The following ZZZ3 variants were observed in gnomAD, a reference collection of about 807,000 sequenced individuals.
ZZZ3 encodes the protein zinc finger ZZ-type containing 3, also known as ZZ-type zinc finger-containing protein 3.
ZZZ3 carries 22 observed loss-of-function variants against 95.2 expected under a neutral mutation model. The ratio of observed to expected loss-of-function variants is 0.23; its 90% CI spans 0.17 to 0.33. The LOEUF (loss-of-function observed/expected upper bound fraction) is 0.33. Ranked by LOEUF, ZZZ3 falls within the 10% of genes least tolerant of loss-of-function variation. The pLI is 1.00. For missense variants in ZZZ3, 885 were observed against 1,066.5 expected (o/e 0.83, Z 2.37); for synonymous variants, 335 against 358.9 (o/e 0.93, Z 0.75).
chr1:77,585,288 T>C (rs1335894372), intron 5 of ZZZ3, among the ~76,000 whole-genome samples: 1 of 152,216 alleles, frequency 6.6e-6, no homozygotes, highest in Non-Finnish European at 1.5e-5. Context: ...ATATTTATAC[T>C]TTCCTGCTTG....
At chr1:77,614,322 C>T (rs958812231) in intron 5 of ZZZ3, among the ~76,000 whole-genome samples, 1 of 152,080 alleles carries the variant, frequency 6.6e-6, no homozygotes, top group Non-Finnish European at 1.5e-5. Flanking sequence ...GAAGTTACCA[C>T]CTCAAGGATA....
chr1:77,676,545 G>A (rs1672286754), intron 1 of ZZZ3, among the ~76,000 whole-genome samples: 1 of 152,020 alleles, frequency 6.6e-6, no homozygotes, highest in Non-Finnish European at 1.5e-5. Context: ...CAAATTATGT[G>A]GTATGGAAAA....
intron 1 of ZZZ3, among the ~76,000 whole-genome samples, chr1:77,665,255 T>C (rs968960134): frequency 6.6e-6 from 1 of 152,196 alleles, no homozygotes; most frequent in Admixed American, 6.5e-5. Context: ...TTACTGACAG[T>C]TCATTATGTC....
intron 5 of ZZZ3, among the ~76,000 whole-genome samples, chr1:77,587,387 C>T (rs1663199818): frequency 2.0e-5 from 3 of 151,716 alleles, no homozygotes; most frequent in South Asian, 4.2e-4. Context: ...GCCTCAGCCT[C>T]CTGAGTAGGT....
chr1:77,678,229 A>T lies in ZZZ3; in HGVS notation c.-403+4356T>A, dbSNP rs373204618. ...TTAGGCAATTGGTTGTTCATTACTG[A>T]TATCAAATATTAAATGTAATAGAGC... On this transcript the variant is annotated intron_variant, in intron 1 of 14. Transcript: ENST00000370801. Among the ~76,000 whole-genome samples, 6 of 152,316 alleles carry T rather than the reference A, an allele frequency of 3.9e-5. No individual in the cohort carries two copies. The East Asian group carries it at 5.8e-4, about 15-fold the overall frequency.
At chr1:77,651,682 G>T (rs554570290) in intron 1 of ZZZ3, among the ~76,000 whole-genome samples, 6 of 152,154 alleles carry the variant, frequency 3.9e-5, no homozygotes. Context: ...TACACACAAT[G>T]TGAGACTATA....
chr1:77,663,752 A>G (rs1557775010), intron 1 of ZZZ3, among the ~76,000 whole-genome samples: 1 of 142,674 alleles, frequency 7.0e-6, no homozygotes, highest in East Asian at 2.0e-4. Context: ...AGTAAACCCT[A>G]TTTTTTTTTT....
intron 9 of ZZZ3, chr1:77,580,792 C>A: frequency 2.2e-6 from 1 of 464,334 alleles, no homozygotes; most frequent in Non-Finnish European, 3.9e-6. Context: ...CCATCACACC[C>A]GGCTAATTTT....
At chr1:77,633,639 T>G (rs908885554) in intron 4 of ZZZ3, among the ~76,000 whole-genome samples, 2 of 152,190 alleles carry the variant, frequency 1.3e-5, no homozygotes, top group African/African-American at 4.8e-5. Flanking sequence ...TCTTTCTATA[T>G]GCCTTACATA....
chr1:77,589,742 G>C (rs1269851761), intron 5 of ZZZ3, among the ~76,000 whole-genome samples: 1 of 152,060 alleles, frequency 6.6e-6, no homozygotes, highest in Non-Finnish European at 1.5e-5. Context: ...TTATAGGCAT[G>C]AACCACTGTG....
intron 5 of ZZZ3, among the ~76,000 whole-genome samples, chr1:77,618,102 G>A (rs1414977235): frequency 1.3e-5 from 2 of 151,978 alleles, no homozygotes; most frequent in Non-Finnish European, 2.9e-5. Flanking sequence ...ATAAACAATT[G>A]ACCAAGAGTA....
At chr1:77,626,407 A>C (rs1203478608) in intron 5 of ZZZ3, among the ~76,000 whole-genome samples, 1 of 152,208 alleles carries the variant, frequency 6.6e-6, no homozygotes, top group African/African-American at 2.4e-5. Context: ...GGGAGCCCTA[A>C]GCTTGTTTTC....
chr1:77,650,825 A>G (rs1669738728), intron 1 of ZZZ3, among the ~76,000 whole-genome samples: 1 of 152,228 alleles, frequency 6.6e-6, no homozygotes, highest in East Asian at 1.9e-4. Flanking sequence ...ATCTTTAGAC[A>G]GACTCATCAG....
chr1:77,583,331 G>T (rs1420409029), intron 6 of ZZZ3, among the ~76,000 whole-genome samples: 1 of 151,930 alleles, frequency 6.6e-6, no homozygotes, highest in African/African-American at 2.4e-5. Context: ...ATCTGTTTTA[G>T]TTGAATCCAT....
intron 1 of ZZZ3, among the ~76,000 whole-genome samples, chr1:77,652,438 C>T (rs986785943): frequency 1.3e-5 from 2 of 152,090 alleles, no homozygotes; most frequent in African/African-American, 4.8e-5. Context: ...AAAAAGACAA[C>T]AAAAACATGT....
chr1:77,668,359 T>C (rs1671438011), intron 1 of ZZZ3, among the ~76,000 whole-genome samples: 1 of 152,176 alleles, frequency 6.6e-6, no homozygotes, highest in South Asian at 2.1e-4. Flanking sequence ...TTTCAATTTC[T>C]AGCTGGGAGG....
At chr1:77,670,049 C>T (rs278857) in intron 1 of ZZZ3, among the ~76,000 whole-genome samples, 54,224 of 147,910 alleles carry the variant, frequency 0.37, 11,470 homozygotes, top group African/African-American at 0.57. Context: ...CCCAAAAAAC[C>T]TATTAATATA....
chr1:77,643,937 CTTG>C (rs1669013222), intron 1 of ZZZ3, among the ~76,000 whole-genome samples: 1 of 152,058 alleles, frequency 6.6e-6, no homozygotes, highest in Admixed American at 6.5e-5. Context: ...TGATTCTTCA[CTTG>C]TTGTAAGTGA....
intron 14 of ZZZ3, 131 bp from the exon 15 acceptor site, chr1:77,565,915 T>C: frequency 8.6e-7 from 1 of 1,160,384 alleles, no homozygotes; most frequent in South Asian, 1.6e-5. Flanking sequence ...GAAAGTTACT[T>C]GACATGTGGT....
Sources: allele counts gnomAD v4.1 joint callset (sites outside exome capture counted in the v4.1 genomes callset), GRCh38; gene constraint gnomAD v4.1.1; transcripts MANE v1.5; gene names NCBI Gene and HGNC (gene_info 2026-07-23, HGNC 2026-07-21).